Variants in WLS observed in about 807,000 individuals in gnomAD.
WLS encodes the protein protein wntless homolog.
A neutral mutation model predicts 62.8 loss-of-function variants in WLS; 23 were observed. The observed-to-expected ratio is 0.37, with a 90% CI of 0.26 to 0.52. The LOEUF (loss-of-function observed/expected upper bound fraction) is 0.52, where lower values mean the gene tolerates loss of function less well. Among genes scored for constraint, WLS ranks in the 20% least tolerant of loss-of-function variants. WLS has a pLI of 0.92. For missense variants in WLS, 615 were observed against 697.3 expected (o/e 0.88, Z 1.33); for synonymous variants, 246 against 244.1 (o/e 1.01, Z -0.07).
At chr1:68,218,999 A>G (rs903016383) in intron 1 of WLS, among the ~76,000 whole-genome samples, 15 of 152,380 alleles carry the variant, frequency 9.8e-5, no homozygotes, top group African/African-American at 2.9e-4. Flanking sequence ...TAAGCAAACT[A>G]TGTGGCTCTT....
At chr1:68,141,617 C>T (rs1365206027) in intron 10 of WLS, 1 of 152,130 alleles carries the variant, frequency 6.6e-6, no homozygotes, top group African/African-American at 2.4e-5. Context: ...GAGATCCCCT[C>T]GCATTATATT....
At chr1:68,161,871 G>T in intron 2 of WLS, 2 of 1,608,318 alleles carry the variant, frequency 1.2e-6, no homozygotes, top group East Asian at 2.2e-5. Flanking sequence ...TGCCTCCAGG[G>T]ATGATCCCTT....
intron 2 of WLS, among the ~76,000 whole-genome samples, chr1:68,186,950 G>A (rs978534462): frequency 1.8e-4 from 27 of 152,014 alleles, no homozygotes; most frequent in African/African-American, 5.8e-4. Flanking sequence ...GGTAGCTCAC[G>A]CCTGTAATCC....
At chr1:68,141,330 G>T (rs1646683474) in intron 10 of WLS, 1 of 152,174 alleles carries the variant, frequency 6.6e-6, no homozygotes, top group South Asian at 2.1e-4. Flanking sequence ...GCACCTGGGG[G>T]TCCCCTTAAT....
downstream of WLS, among the ~76,000 whole-genome samples, chr1:68,121,949 C>T (rs1646368740): frequency 2.6e-5 from 4 of 152,306 alleles, no homozygotes; most frequent in South Asian, 2.1e-4. Flanking sequence ...TGAATTTATT[C>T]CTTGTCCACC....
chr1:68,181,477 A>G (rs185132373), intron 2 of WLS, among the ~76,000 whole-genome samples: 108 of 152,342 alleles, frequency 7.1e-4, no homozygotes, highest in African/African-American at 2.6e-3. Context: ...CCTACCACCT[A>G]GTCTAGATTC....
At chr1:68,116,320 C>T (rs971919724) in intron 11 of WLS, among the ~76,000 whole-genome samples, 1 of 152,160 alleles carries the variant, frequency 6.6e-6, no homozygotes, top group Non-Finnish European at 1.5e-5. Flanking sequence ...GACAACCACA[C>T]GGGGTAAGGC....
intron 11 of WLS, among the ~76,000 whole-genome samples, chr1:68,133,668 C>A (rs1646563829): frequency 1.3e-5 from 2 of 152,156 alleles, no homozygotes; most frequent in Admixed American, 6.5e-5. Flanking sequence ...TGGAAAGTGA[C>A]CTTGTCTTGA....
At position 68,126,062 on chromosome 1, in the gene WLS, C is replaced by T. The variant is rs998998076; in HGVS notation, c.*164G>A. The T allele has an allele frequency of 9.1e-6, 13 of 1,435,734 alleles. No individual in the cohort carries two copies. Among genetic ancestry groups the T allele is most frequent in the African/African-American group, 2.9e-5 (2 of 69,616 alleles). The allele number at this position is 1,435,734 out of a possible 1,614,324, so 88.9% of individuals were successfully genotyped here. A position where few individuals can be genotyped will look rare whatever the true frequency, so the allele number is the denominator to read the frequency against. Reference sequence around the variant, plus strand: ...GCAGGAATCTTCCTCCAAAAGCTACCGTCAGAAGGCAAACTGACAAATGTC... The same window carrying T: ...GCAGGAATCTTCCTCCAAAAGCTACTGTCAGAAGGCAAACTGACAAATGTC... On this transcript the variant is annotated 3_prime_UTR_variant, in exon 12 of 12. Coordinates refer to ENST00000262348, the MANE Select transcript of WLS (RefSeq NM_024911.7).
chr1:68,150,425 G>A (rs890374191), intron 5 of WLS, 69 bp from the exon 6 acceptor site: 107 of 1,583,522 alleles, frequency 6.8e-5, no homozygotes, highest in African/African-American at 9.4e-5. Context: ...ACAATTCCCC[G>A]AATTCAGTTT....
At chr1:68,116,877 A>C (rs1163128444) in intron 11 of WLS, among the ~76,000 whole-genome samples, 1 of 152,182 alleles carries the variant, frequency 6.6e-6, no homozygotes, top group African/African-American at 2.4e-5. Context: ...TTAATTGTGG[A>C]CAAGGGTGGT....
intron 11 of WLS, among the ~76,000 whole-genome samples, chr1:68,129,847 T>C (rs540354439): frequency 6.6e-6 from 1 of 152,324 alleles, no homozygotes; most frequent in African/African-American, 2.4e-5. Flanking sequence ...AAATGTGATA[T>C]GTGTCTTGGG....
At chr1:68,138,686 A>G (rs1190974731) in intron 10 of WLS, among the ~76,000 whole-genome samples, 1 of 152,196 alleles carries the variant, frequency 6.6e-6, no homozygotes, top group African/African-American at 2.4e-5. Flanking sequence ...CTGCCTAAAG[A>G]TATATGGATT....
chr1:68,181,172 C>A (rs1196761170), intron 2 of WLS, among the ~76,000 whole-genome samples: 2 of 152,046 alleles, frequency 1.3e-5, no homozygotes, highest in African/African-American at 4.8e-5. Context: ...CATAAAAGAA[C>A]CTCATAATAG....
chr1:68,120,713 TGTGTGC>T (rs1287680760), downstream of WLS, among the ~76,000 whole-genome samples: 781 of 130,420 alleles, frequency 6.0e-3, 7 homozygotes, highest in African/African-American at 0.021. Flanking sequence ...TGTGTGTGTG[TGTGTGC>T]GCGCGCGCAC....
chr1:68,210,280 G>A (rs1649459605), intron 1 of WLS, among the ~76,000 whole-genome samples: 1 of 152,190 alleles, frequency 6.6e-6, no homozygotes, highest in African/African-American at 2.4e-5. Context: ...ATGGTCAGGA[G>A]TCTAAACCAG....
At chr1:68,121,722 T>C (rs1460277964), downstream of WLS, among the ~76,000 whole-genome samples, 1 of 152,110 alleles carries the variant, frequency 6.6e-6, no homozygotes, top group Non-Finnish European at 1.5e-5. Context: ...TGCACTGACA[T>C]CCTGATGAGT....
intron 2 of WLS, among the ~76,000 whole-genome samples, chr1:68,189,952 T>C (rs1648194546): frequency 6.6e-6 from 1 of 152,200 alleles, no homozygotes; most frequent in South Asian, 2.1e-4. Context: ...GAGATTGCCG[T>C]GAACCAAGAT....
At position 68,111,327 on chromosome 1, in the gene WLS, A is replaced by G. The variant is rs149733562; in HGVS notation, c.1511-12574T>C. ...TAAGGCTGGGAGAAAGAAGGACCACACTGGTGGGAGAAGCTGGTGACAAGT... is the reference window on the plus strand; with the variant it reads ...TAAGGCTGGGAGAAAGAAGGACCACGCTGGTGGGAGAAGCTGGTGACAAGT... On this transcript the variant is annotated intron_variant, in intron 11 of 11. Transcript: ENST00000354777. Among the ~76,000 whole-genome samples the G allele has an allele frequency of 7.2e-5, 11 of 152,350 alleles. No homozygotes were observed. The East Asian group carries it at 1.9e-3, about 27-fold the overall frequency.
Sources: allele counts gnomAD v4.1 joint callset (sites outside exome capture counted in the v4.1 genomes callset), GRCh38; gene constraint gnomAD v4.1.1; transcripts MANE v1.5; gene names NCBI Gene and HGNC (gene_info 2026-07-23, HGNC 2026-07-21).